EXOC6: variants seen among roughly 807,000 people sequenced by gnomAD.
EXOC6 encodes exocyst complex component 6.
In EXOC6, 60 loss-of-function variants were observed where a neutral mutation model predicts 112.5. The ratio of observed to expected loss-of-function variants is 0.53; its 90% CI spans 0.43 to 0.66. The LOEUF is 0.66. Among genes scored for constraint, EXOC6 ranks in the 30% least tolerant of loss-of-function variants. The pLI, the probability that EXOC6 is intolerant of heterozygous loss-of-function variation, is 0.00. For missense variants in EXOC6, 855 were observed against 957.1 expected, an observed-to-expected ratio of 0.89 and a Z score of 1.41; for synonymous variants, 295 against 308.0, an observed-to-expected ratio of 0.96 and a Z score of 0.44.
intron 6 of EXOC6, among the ~76,000 whole-genome samples, chr10:92,913,112 A>G (rs2133884129): frequency 6.6e-6 from 1 of 152,320 alleles, no homozygotes; most frequent in African/African-American, 2.4e-5. Context: ...AATCAGGAGC[A>G]TTTCATCTTT....
At chr10:92,970,628 TA>T (rs1197288992) in intron 17 of EXOC6, among the ~76,000 whole-genome samples, 7 of 152,262 alleles carry the variant, frequency 4.6e-5, no homozygotes, top group Admixed American at 2.6e-4. Flanking sequence ...TTATCTAAAG[TA>T]ATGTTTATTT....
intron 4 of EXOC6, among the ~76,000 whole-genome samples, chr10:92,896,167 ATATATATATATATATTTTTTTT>A (rs1564809952): frequency 7.7e-4 from 18 of 23,458 alleles, no homozygotes; most frequent in African/African-American, 3.6e-3. Context: ...ATATATATAT[ATATATATATATATATTTTTTTT>A]TTTTTTTTTT....
rs147115223 is a variant in EXOC6 at position 92,991,796 on chromosome 10, C to T, written c.1954-5678C>T. On this transcript the variant is annotated intron_variant, in intron 18 of 21. Transcript: ENST00000260762. ...TAAGAGTAGACATTTCTGTTACTGTCTCATACCCTTATGATTGGTAATTGT... is the reference window on the plus strand; with the variant it reads ...TAAGAGTAGACATTTCTGTTACTGTTTCATACCCTTATGATTGGTAATTGT... Among the ~76,000 whole-genome samples, 433 of 152,050 alleles carry T rather than the reference C, an allele frequency of 2.8e-3. 1 individual carries two copies. The highest frequency in any genetic ancestry group is 1.0e-2 in the African/African-American group (413 of 41,464).
chr10:92,834,138 C>T (rs1256021761), upstream of EXOC6, among the ~76,000 whole-genome samples: 1 of 152,058 alleles, frequency 6.6e-6, no homozygotes, highest in Non-Finnish European at 1.5e-5. Flanking sequence ...ATTGACACAG[C>T]AAAGTAGAGA....
intron 17 of EXOC6, among the ~76,000 whole-genome samples, chr10:92,972,446 T>G (rs1343167965): frequency 6.6e-6 from 1 of 152,226 alleles, no homozygotes; most frequent in Non-Finnish European, 1.5e-5. Flanking sequence ...GCTATCTTTA[T>G]GAATTTCTTT....
intron 19 of EXOC6, among the ~76,000 whole-genome samples, chr10:93,005,141 T>C (rs1843918484): frequency 6.6e-6 from 1 of 152,194 alleles, no homozygotes; most frequent in African/African-American, 2.4e-5. Flanking sequence ...GACTATAAAT[T>C]GTTAAACTTT....
intron 20 of EXOC6, among the ~76,000 whole-genome samples, chr10:93,056,311 T>C (rs1846534989): frequency 6.6e-6 from 1 of 152,166 alleles, no homozygotes; most frequent in Non-Finnish European, 1.5e-5. Context: ...TTGTTGTTTG[T>C]TTATACAAAA....
In EXOC6 at chr10:92,882,872, A is replaced by G. The variant is rs528644137; in HGVS notation, c.102-10477A>G. ...AGATTAGATCAGATTCTCAATTTAT[A>G]TAACAAAGAATACAAAGATTTACTA... On this transcript the variant is annotated intron_variant, in intron 1 of 21. Coordinates refer to ENST00000260762, the MANE Select transcript of EXOC6 (RefSeq NM_019053.6). Among the ~76,000 whole-genome samples, 13 of 152,344 alleles carry G rather than the reference A, an allele frequency of 8.5e-5. No homozygotes were observed. In the South Asian group the frequency reaches 2.5e-3, roughly 29 times the overall value.
chr10:92,895,058 G>A, intron 4 of EXOC6, 38 bp downstream of exon 4: 1 of 1,224,652 alleles, frequency 8.2e-7, no homozygotes, highest in Non-Finnish European at 1.2e-6. Flanking sequence ...GTTTGGCTTG[G>A]TAAAGTTGTA....
intron 1 of EXOC6, among the ~76,000 whole-genome samples, chr10:92,862,447 T>C (rs1847956730): frequency 6.6e-6 from 1 of 151,978 alleles, no homozygotes; most frequent in Non-Finnish European, 1.5e-5. Flanking sequence ...GGACCGGTAG[T>C]AGTCTTATGA....
At chr10:92,862,911 G>A (rs1043586728) in intron 1 of EXOC6, among the ~76,000 whole-genome samples, 2 of 152,118 alleles carry the variant, frequency 1.3e-5, no homozygotes, top group Non-Finnish European at 2.9e-5. Context: ...GGGTCATATG[G>A]TAATTCTGTA....
At chr10:92,893,103 C>T (rs1485770656) in intron 1 of EXOC6, among the ~76,000 whole-genome samples, 1 of 152,200 alleles carries the variant, frequency 6.6e-6, no homozygotes, top group Non-Finnish European at 1.5e-5. Context: ...ATTAGGCCCA[C>T]ATCTCCTGAG....
intron 20 of EXOC6, among the ~76,000 whole-genome samples, chr10:93,034,575 A>C (rs1033289687): frequency 1.3e-5 from 2 of 152,210 alleles, no homozygotes; most frequent in African/African-American, 4.8e-5. Flanking sequence ...CAAGCTTTGA[A>C]TCTTATGAAG....
intron 1 of EXOC6, among the ~76,000 whole-genome samples, chr10:92,828,287 T>C (rs973004046): frequency 1.3e-5 from 2 of 152,228 alleles, no homozygotes; most frequent in Non-Finnish European, 2.9e-5. Flanking sequence ...TTTCCTGAGA[T>C]GAGGTGGTCA....
chr10:92,950,539 G>T (rs1245676133), intron 14 of EXOC6, among the ~76,000 whole-genome samples: 1 of 152,102 alleles, frequency 6.6e-6, no homozygotes, highest in East Asian at 1.9e-4. Context: ...GTCAAGTGAG[G>T]ATAGATAAAA....
chr10:92,864,852 C>T (rs1310933166), intron 1 of EXOC6, among the ~76,000 whole-genome samples: 1 of 152,110 alleles, frequency 6.6e-6, no homozygotes, highest in East Asian at 1.9e-4. Flanking sequence ...GGTTCTCCAG[C>T]TTGCAGACGG....
chr10:93,000,160 C>T (rs1159333577), intron 19 of EXOC6, among the ~76,000 whole-genome samples: 1 of 152,332 alleles, frequency 6.6e-6, no homozygotes. Flanking sequence ...TACTGTATTA[C>T]ATCTTTAGTA....
intron 1 of EXOC6, among the ~76,000 whole-genome samples, chr10:92,854,064 A>G (rs1847481731): frequency 6.6e-6 from 1 of 151,878 alleles, no homozygotes; most frequent in Admixed American, 6.6e-5. Flanking sequence ...GGGAGAAGAT[A>G]TTGGCAAATT....
chr10:92,854,956 A>C (rs929164943), intron 1 of EXOC6, among the ~76,000 whole-genome samples: 12 of 152,046 alleles, frequency 7.9e-5, no homozygotes. Context: ...TGATTTCCTC[A>C]TGTTTAATTA....
Sources: gnomAD v4.1 joint callset for allele counts (sites outside exome capture counted in the v4.1 genomes callset) on GRCh38, gnomAD v4.1.1 for gene constraint, MANE v1.5 for transcripts, NCBI Gene and HGNC (gene_info 2026-07-23, HGNC 2026-07-21) for gene names.